CASP10: variants seen among roughly 807,000 people sequenced by gnomAD.
CASP10 encodes the protein caspase 10.
CASP10 carries 41 observed loss-of-function variants against 48.5 expected under a neutral mutation model. The ratio of observed to expected loss-of-function variants is 0.85; its 90% CI spans 0.66 to 1.10. The LOEUF is 1.10. Among genes scored for constraint, CASP10 ranks in the 50% least tolerant of loss-of-function variants. The pLI is 0.00. For missense variants in CASP10, 614 were observed against 614.5 expected, an observed-to-expected ratio of 1.00 and a Z score of 0.01; for synonymous variants, 232 against 238.4, an observed-to-expected ratio of 0.97 and a Z score of 0.25.
At chr2:201,188,747 T>C (rs553416803) in intron 3 of CASP10, among the ~76,000 whole-genome samples, 27 of 152,116 alleles carry the variant, frequency 1.8e-4, no homozygotes, top group Admixed American at 1.2e-3. Flanking sequence ...AGACTATAGG[T>C]AGTCTTGTTT....
intron 3 of CASP10, among the ~76,000 whole-genome samples, chr2:201,189,046 A>AT (rs1944514578): frequency 6.6e-6 from 1 of 150,400 alleles, no homozygotes; most frequent in Admixed American, 6.6e-5. Flanking sequence ...AACTTTTTGT[A>AT]TTTTTAGTAG....
chr2:201,208,100 G>A lies in CASP10; in HGVS notation c.839G>A (p.Arg280Gln), dbSNP rs750581097. 3.7e-6 allele frequency: 6 copies of A among 1,613,566 alleles called. No homozygotes were observed. Among genetic ancestry groups the A allele is most frequent in the South Asian group, 3.3e-5 (3 of 91,066 alleles). The change falls in exon 8 of 10, where the codon CGG becomes CAG. Residue 280 changes from arginine (R) to glutamine (Q), a missense_variant. By Grantham distance (43) the Arg-to-Gln change is conservative (BLOSUM62 1). Transcript: ENST00000286186. ...AGGGCAGCTGTGTACAGGATGAATC[G>A]GAACCACAGAGGCCTCTGTGTCATT... is the stretch of plus-strand genomic sequence containing the variant. ...TKRAAVYRMN[R>Q]NHRGLCVIVN...
At position 201,209,103 on chromosome 2, in the gene CASP10, T is replaced by C. The variant is rs745952996; in HGVS notation, c.956T>C (p.Phe319Ser). 2.5e-6 allele frequency: 4 copies of C among 1,611,958 alleles called. No individual in the cohort carries two copies. The South Asian group carries it at 4.4e-5, about 18-fold the overall frequency. Reference protein sequence around the residue: ...ILSHVFQWLGFTVHIHNNVTK... With the variant: ...ILSHVFQWLGSTVHIHNNVTK... ...AGTCATGTGTTCCAGTGGCTTGGGT[T>C]CACAGTGCATATACACAATAATGTG... The change falls in exon 9 of 10, where the codon TTC (phenylalanine) becomes TCC (serine). Residue 319 changes from phenylalanine to serine, a missense_variant. Physicochemically the swap from Phe to Ser is radical, Grantham distance 155. Coordinates refer to ENST00000286186, the MANE Select transcript of CASP10 (RefSeq NM_032977.4).
In CASP10 at chr2:201,207,912, G is replaced by A. The variant is rs555991184; in HGVS notation, c.814-163G>A. On this transcript the variant is annotated intron_variant, in intron 7 of 9. Coordinates refer to ENST00000286186, the MANE Select transcript of CASP10 (RefSeq NM_032977.4). ...ACTCCATCTCAAAACAACAACAACA[G>A]CAACAACAAAATAACAACAACAACA... Among the ~76,000 whole-genome samples the A allele has an allele frequency of 5.5e-4, 83 of 152,148 alleles. 2 individuals are homozygous for A. The South Asian group carries it at 0.017, about 31-fold the overall frequency.
intron 7 of CASP10, among the ~76,000 whole-genome samples, 182 bp from the exon 8 acceptor site, chr2:201,207,893 T>C (rs901615689): frequency 6.6e-6 from 1 of 151,870 alleles, no homozygotes; most frequent in Non-Finnish European, 1.5e-5. Flanking sequence ...TGAGACTCCA[T>C]CTCAAAACAA....
intron 3 of CASP10, among the ~76,000 whole-genome samples, chr2:201,191,780 C>T (rs1944619982): frequency 1.3e-5 from 2 of 152,160 alleles, no homozygotes; most frequent in Admixed American, 6.5e-5. Flanking sequence ...TATAGCTGGC[C>T]TACACATATC....
At chr2:201,207,680 C>T (rs1945251773) in intron 7 of CASP10, among the ~76,000 whole-genome samples, 1 of 151,984 alleles carries the variant, frequency 6.6e-6, no homozygotes, top group Non-Finnish European at 1.5e-5. Flanking sequence ...TCGCTTGAAC[C>T]CAGGAGGTGG....
In CASP10 at chr2:201,218,698, G is replaced by C. The variant is rs1945647244; in HGVS notation, c.*957G>C. The C allele has an allele frequency of 1.0e-6, 1 of 985,246 alleles. No individual in the cohort carries two copies. The highest frequency in any genetic ancestry group is 1.2e-6 in the Non-Finnish European group (1 of 829,950). The allele number at this position is 985,246 out of a possible 1,614,324, so 61.0% of individuals were successfully genotyped here. The stretch of plus-strand genomic sequence containing the variant: ...TGCCTCTCTAGACAACTACCCCTTA[G>C]TTATAATTCTGTGTCCCCTCTGCAT... On this transcript the variant is annotated 3_prime_UTR_variant, in exon 10 of 10. Transcript: ENST00000286186.
chr2:201,195,163 C>T (rs1249537103), intron 4 of CASP10, among the ~76,000 whole-genome samples: 1 of 152,070 alleles, frequency 6.6e-6, no homozygotes, highest in Non-Finnish European at 1.5e-5. Flanking sequence ...ATGATCTTGG[C>T]TCACTGAAAC....
intron 5 of CASP10, among the ~76,000 whole-genome samples, chr2:201,202,642 T>C (rs749871491): frequency 2.0e-5 from 3 of 152,312 alleles, no homozygotes; most frequent in Non-Finnish European, 4.4e-5. Context: ...CAGTGGCTTA[T>C]GAAAAGAAAG....
At chr2:201,190,569 C>A (rs1462433559) in intron 3 of CASP10, among the ~76,000 whole-genome samples, 1 of 152,074 alleles carries the variant, frequency 6.6e-6, no homozygotes, top group Non-Finnish European at 1.5e-5. Flanking sequence ...TCATAACATT[C>A]TCTCCCAAGT....
chr2:201,191,017 A>G (rs544735168), intron 3 of CASP10, among the ~76,000 whole-genome samples: 75 of 151,838 alleles, frequency 4.9e-4, no homozygotes, highest in Admixed American at 2.4e-3. Context: ...GCCCACCACC[A>G]CACCCAGCTA....
exon 10 of CASP10, chr2:201,228,960 G>A: frequency 6.2e-7 from 1 of 1,614,146 alleles, no homozygotes; most frequent in East Asian, 2.2e-5. Context: ...AAAAGACAAT[G>A]GAAATCAGGG....
At chr2:201,213,290 T>C (rs977339475) in intron 9 of CASP10, 1 of 152,170 alleles carries the variant, frequency 6.6e-6, no homozygotes, top group Non-Finnish European at 1.5e-5. Context: ...ATTTACAAGG[T>C]ATAAGTCCTA....
chr2:201,222,681 T>C (rs1945740205), downstream of CASP10, among the ~76,000 whole-genome samples: 1 of 152,212 alleles, frequency 6.6e-6, no homozygotes, highest in African/African-American at 2.4e-5. Flanking sequence ...GTTGGGCAGG[T>C]TGGATATCAT....
Position 201,221,134 on chromosome 2 carries a change from G to C in CASP10, c.*3393G>C. 2.0e-6 allele frequency: 2 copies of C among 985,410 alleles called. No individual in the cohort carries two copies. The highest frequency in any genetic ancestry group is 2.4e-6 in the Non-Finnish European group (2 of 829,946). The allele number at this position is 985,410 out of a possible 1,614,324, so 61.0% of individuals were successfully genotyped here. On this transcript the variant is annotated 3_prime_UTR_variant, in exon 10 of 10. Coordinates refer to ENST00000286186, the MANE Select transcript of CASP10 (RefSeq NM_032977.4). ...GAAATAGCAGGACTTAAGTTCCTTT[G>C]TGCGTAATTCCAGCTGACTTTATTA...
At chr2:201,226,642 G>A (rs1945791010), downstream of CASP10, among the ~76,000 whole-genome samples, 1 of 151,310 alleles carries the variant, frequency 6.6e-6, no homozygotes, top group Non-Finnish European at 1.5e-5. Context: ...GGTACCAGGA[G>A]ATAAGGAGGA....
chr2:201,198,553 T>TG (rs1262945568), intron 5 of CASP10, among the ~76,000 whole-genome samples: 2 of 142,016 alleles, frequency 1.4e-5, no homozygotes, highest in African/African-American at 5.3e-5. Flanking sequence ...TTTTTTTTTT[T>TG]TTTTTGAGAC....
At chr2:201,208,265 C>A (rs1945275213) in intron 8 of CASP10, 82 bp downstream of exon 8, 3 of 1,518,110 alleles carry the variant, frequency 2.0e-6, no homozygotes, top group Admixed American at 4.3e-5. Flanking sequence ...CTTTCTGTGA[C>A]TTTTATCTTC....
Sources: allele counts gnomAD v4.1 joint callset (sites outside exome capture counted in the v4.1 genomes callset), GRCh38; gene constraint gnomAD v4.1.1; transcripts MANE v1.5; gene names NCBI Gene and HGNC (gene_info 2026-07-23, HGNC 2026-07-21).